The following NRG1 variants were observed in gnomAD, a reference collection of about 807,000 sequenced individuals.
The protein encoded by NRG1 is neuregulin 1, also known as pro-neuregulin-1, membrane-bound isoform.
NRG1 carries 18 observed loss-of-function variants against 63.8 expected under a neutral mutation model. That is an observed-to-expected ratio of 0.28 (90% confidence interval 0.19 to 0.42). The LOEUF is 0.42. Among genes scored for constraint, NRG1 ranks in the 10% least tolerant of loss-of-function variants. The probability of loss-of-function intolerance (pLI) is 1.00; values close to 1 mark genes in which losing one functional copy is unlikely to be tolerated. For synonymous variants in NRG1, 302 were observed against 301.3 expected (o/e 1.00, Z -0.02); for missense variants, 762 against 814.7 (o/e 0.94, Z 0.79).
chr8:32,622,401 T>C (rs1386414332), intron 5 of NRG1, among the ~76,000 whole-genome samples: 1 of 152,198 alleles, frequency 6.6e-6, no homozygotes, highest in East Asian at 1.9e-4. Context: ...TTTTCTGTTC[T>C]GTTCTTTTCT....
chr8:31,801,152 A>G (rs1436435115), intron 1 of NRG1, among the ~76,000 whole-genome samples: 3 of 151,926 alleles, frequency 2.0e-5, no homozygotes, highest in Non-Finnish European at 4.4e-5. Context: ...CGGCCTCTCC[A>G]GTGTCCTATC....
At chr8:32,351,427 C>T (rs567248088) in intron 1 of NRG1, among the ~76,000 whole-genome samples, 4 of 152,260 alleles carry the variant, frequency 2.6e-5, no homozygotes, top group South Asian at 2.1e-4. Flanking sequence ...CGGGGTACTT[C>T]GGTCCATAAA....
intron 1 of NRG1, among the ~76,000 whole-genome samples, chr8:31,665,757 G>A (rs1364903643): frequency 6.6e-6 from 1 of 151,846 alleles, no homozygotes; most frequent in Admixed American, 6.6e-5. Context: ...GTTGCATTGC[G>A]TTTATCCTGG....
chr8:32,427,006 C>G (rs931438164), intron 1 of NRG1, among the ~76,000 whole-genome samples: 8 of 151,502 alleles, frequency 5.3e-5, no homozygotes, highest in African/African-American at 1.9e-4. Flanking sequence ...TTTTATCATT[C>G]CTTTGAACTG....
chr8:32,101,098 A>C (rs1585295388), intron 1 of NRG1, among the ~76,000 whole-genome samples: 1 of 152,198 alleles, frequency 6.6e-6, no homozygotes, highest in East Asian at 1.9e-4. Context: ...CAAATAGAAT[A>C]TGTAACTACA....
intron 1 of NRG1, among the ~76,000 whole-genome samples, chr8:31,663,031 C>T (rs4288331): frequency 0.68 from 102,653 of 151,434 alleles, 35,753 homozygotes; most frequent in Non-Finnish European, 0.75. Context: ...GCCTGCTATT[C>T]ACAGAAGGCC....
chr8:32,221,283 T>C (rs1266089667), intron 1 of NRG1: 1 of 152,190 alleles, frequency 6.6e-6, no homozygotes, highest in Admixed American at 6.5e-5. Context: ...CATTTTGTCA[T>C]CCAAGGCTAG....
chr8:32,316,767 A>G (rs544636542), intron 1 of NRG1, among the ~76,000 whole-genome samples: 1 of 152,088 alleles, frequency 6.6e-6, no homozygotes, highest in Non-Finnish European at 1.5e-5. Flanking sequence ...CTCTTTCAAG[A>G]CACATTAGGG....
intron 1 of NRG1, among the ~76,000 whole-genome samples, chr8:32,149,218 G>C (rs1837228091): frequency 3.9e-5 from 6 of 152,322 alleles, no homozygotes; most frequent in Middle Eastern, 3.4e-3. Context: ...TTACAGAGAA[G>C]AAGATAAGTC....
intron 1 of NRG1, among the ~76,000 whole-genome samples, chr8:32,558,620 G>C (rs539258606): frequency 3.9e-5 from 6 of 152,286 alleles, no homozygotes; most frequent in Non-Finnish European, 7.4e-5. Context: ...CTCTATGAAA[G>C]AGGCAACCAA....
intron 1 of NRG1, among the ~76,000 whole-genome samples, chr8:31,699,419 C>T (rs1276182954): frequency 6.6e-6 from 1 of 152,112 alleles, no homozygotes; most frequent in Non-Finnish European, 1.5e-5. Context: ...AATCAGAATT[C>T]TGATAGTAAG....
intron 1 of NRG1, chr8:32,030,486 T>G (rs1288160099): frequency 6.6e-6 from 1 of 152,204 alleles, no homozygotes; most frequent in African/African-American, 2.4e-5. Context: ...TTTAAGCAAC[T>G]TTTTCACCTT....
intron 1 of NRG1, among the ~76,000 whole-genome samples, chr8:32,480,436 A>T (rs995972120): frequency 7.9e-6 from 1 of 127,020 alleles, no homozygotes; most frequent in Non-Finnish European, 1.7e-5. Context: ...CAAATTGCTT[A>T]AAAAAAAAAA....
chr8:32,612,153 G>C (rs1037075733), intron 3 of NRG1, among the ~76,000 whole-genome samples: 2 of 152,064 alleles, frequency 1.3e-5, no homozygotes, highest in African/African-American at 4.8e-5. Context: ...AATGTAATAT[G>C]CCAAATTACT....
intron 1 of NRG1, among the ~76,000 whole-genome samples, chr8:32,311,194 T>C (rs1856770741): frequency 6.6e-6 from 1 of 152,182 alleles, no homozygotes. Flanking sequence ...CAGGCACTGT[T>C]TTAGGGACTG....
At chr8:31,686,338 TTTA>T (rs1585660452) in intron 1 of NRG1, among the ~76,000 whole-genome samples, 1 of 152,198 alleles carries the variant, frequency 6.6e-6, no homozygotes, top group African/African-American at 2.4e-5. Flanking sequence ...TTCTGAATAT[TTTA>T]TTGTCACATG....
chr8:32,219,144 A>G (rs529720520), intron 1 of NRG1, among the ~76,000 whole-genome samples: 2 of 152,132 alleles, frequency 1.3e-5, no homozygotes, highest in Non-Finnish European at 2.9e-5. Context: ...TTGATCTTAC[A>G]CTTGTTATGA....
At chr8:31,784,573 G>A in intron 1 of NRG1, among the ~76,000 whole-genome samples, 1 of 152,178 alleles carries the variant, frequency 6.6e-6, no homozygotes, top group East Asian at 1.9e-4. Flanking sequence ...CACGCTAGTT[G>A]AATCAGAAAA....
chr8:32,677,368 A>G (rs1807403460), intron 5 of NRG1, among the ~76,000 whole-genome samples: 1 of 152,198 alleles, frequency 6.6e-6, no homozygotes, highest in Admixed American at 6.5e-5. Flanking sequence ...TTACAAGAAT[A>G]TAATTAAGCT....
Sources: gnomAD v4.1 joint callset for allele counts (sites outside exome capture counted in the v4.1 genomes callset) on GRCh38, gnomAD v4.1.1 for gene constraint, MANE v1.5 for transcripts, NCBI Gene and HGNC (gene_info 2026-07-23, HGNC 2026-07-21) for gene names.